KDM4C: variants seen among roughly 807,000 people sequenced by gnomAD.
KDM4C encodes the protein lysine-specific demethylase 4C.
KDM4C carries 81 observed loss-of-function variants against 129.3 expected under a neutral mutation model. That is an observed-to-expected ratio of 0.63 (90% CI 0.52 to 0.75). The LOEUF (loss-of-function observed/expected upper bound fraction) is 0.75. Among genes scored for constraint, KDM4C ranks in the 30% least tolerant of loss-of-function variants. The pLI is 0.00. For missense variants in KDM4C, 1,457 were observed against 1,304.0 expected (o/e 1.12, Z -1.81); for synonymous variants, 573 against 456.1 (o/e 1.26, Z -3.26).
At chr9:7,071,867 C>G (rs562160149) in intron 17 of KDM4C, among the ~76,000 whole-genome samples, 1 of 152,224 alleles carries the variant, frequency 6.6e-6, no homozygotes, top group East Asian at 1.9e-4. Flanking sequence ...ATCTGAAAGA[C>G]ACTGTTTGAG....
chr9:7,014,956 T>C (rs904502714), intron 14 of KDM4C, among the ~76,000 whole-genome samples: 1 of 129,330 alleles, frequency 7.7e-6, no homozygotes, highest in Non-Finnish European at 1.7e-5. Flanking sequence ...ACACACACCT[T>C]ACATTATTAT....
chr9:7,105,292 C>T, intron 18 of KDM4C: 1 of 358,974 alleles, frequency 2.8e-6, no homozygotes, highest in Non-Finnish European at 5.7e-6. Context: ...GGTGTTCACA[C>T]TTAGATTCTG....
intron 3 of KDM4C, among the ~76,000 whole-genome samples, chr9:6,814,005 C>T (rs141313098): frequency 0.014 from 2,084 of 152,176 alleles, 21 homozygotes; most frequent in South Asian, 0.05. Context: ...TTATTGTACA[C>T]ATCTCTCTGT....
intron 7 of KDM4C, among the ~76,000 whole-genome samples, chr9:6,888,266 T>G (rs1014617038): frequency 6.6e-6 from 1 of 152,216 alleles, no homozygotes; most frequent in African/African-American, 2.4e-5. Context: ...AGATTTCATG[T>G]TGCTATAGTT....
At chr9:6,828,364 G>T (rs946719765) in intron 4 of KDM4C, among the ~76,000 whole-genome samples, 4 of 151,924 alleles carry the variant, frequency 2.6e-5, no homozygotes, top group East Asian at 2.0e-4. Context: ...AGACAGGCTG[G>T]TCTCAATCTC....
intron 17 of KDM4C, among the ~76,000 whole-genome samples, chr9:7,060,823 G>A (rs934050659): frequency 2.0e-5 from 3 of 152,090 alleles, no homozygotes; most frequent in South Asian, 4.1e-4. Context: ...TGTAGCAGTT[G>A]CGTGGGCATG....
rs750164881 is a variant in KDM4C at position 7,118,837 on chromosome 9, G to A, written c.2611-9229G>A. Among the ~76,000 whole-genome samples, 8 of 152,012 alleles carry A rather than the reference G, an allele frequency of 5.3e-5. No individual in the cohort carries two copies. In the South Asian group the frequency reaches 8.3e-4, roughly 16 times the overall value. Reference sequence around the variant, plus strand: ...GGGATTTTCCCAAGGTGACATCTCCGCCCATGACTCATCCTGCTAGATGAT... The same window carrying A: ...GGGATTTTCCCAAGGTGACATCTCCACCCATGACTCATCCTGCTAGATGAT... On this transcript the variant is annotated intron_variant, in intron 18 of 21. Coordinates refer to ENST00000381309, the MANE Select transcript of KDM4C (RefSeq NM_015061.6).
chr9:6,854,303 C>T (rs141511193), intron 5 of KDM4C, among the ~76,000 whole-genome samples: 5 of 151,812 alleles, frequency 3.3e-5, no homozygotes, highest in African/African-American at 1.2e-4. Flanking sequence ...CCGAGGCGGG[C>T]GGATCACCTG....
intron 6 of KDM4C, 60 bp from the exon 7 acceptor site, chr9:6,887,900 C>G (rs912405095): frequency 1.0e-6 from 1 of 998,654 alleles, no homozygotes; most frequent in Non-Finnish European, 1.6e-6. Context: ...CATTAAAAAA[C>G]CTATTTGATA....
intron 1 of KDM4C, among the ~76,000 whole-genome samples, chr9:6,760,127 C>T (rs1036717602): frequency 4.6e-5 from 7 of 151,972 alleles, no homozygotes; most frequent in Non-Finnish European, 8.8e-5. Flanking sequence ...CCCCTTCTGT[C>T]CCTAGGCAAC....
chr9:6,839,278 AGAGT>A lies in KDM4C; in HGVS notation c.436-10227_436-10224del, dbSNP rs537561703. 6.0e-4 allele frequency among the ~76,000 whole-genome samples: 92 copies of A among 152,144 alleles called. No homozygotes were observed. The South Asian group carries it at 6.8e-3, about 11-fold the overall frequency. On this transcript the variant is annotated intron_variant, in intron 4 of 21. Transcript: ENST00000381309. ...AGGGTCTCACTCGGTTACCCAGGCT[AGAGT>A]GCAGTAGCGCCATCATTGCTCCCTG...
chr9:6,915,007 T>G (rs1372763879), intron 8 of KDM4C, among the ~76,000 whole-genome samples: 1 of 152,238 alleles, frequency 6.6e-6, no homozygotes, highest in Non-Finnish European at 1.5e-5. Flanking sequence ...TTTTAAGAAT[T>G]AAGTGTTGGA....
intron 1 of KDM4C, among the ~76,000 whole-genome samples, chr9:6,767,513 C>T (rs1014618303): frequency 3.3e-5 from 5 of 151,970 alleles, no homozygotes; most frequent in Admixed American, 1.3e-4. Context: ...CGGCTCACTG[C>T]AACCTCTGCC....
intron 17 of KDM4C, among the ~76,000 whole-genome samples, chr9:7,075,393 A>G (rs1833785349): frequency 6.6e-6 from 1 of 152,086 alleles, no homozygotes. Context: ...GGTGCGACCT[A>G]GTGGAGGTTT....
upstream of KDM4C, among the ~76,000 whole-genome samples, chr9:6,755,579 A>C (rs943553123): frequency 6.6e-6 from 1 of 152,212 alleles, no homozygotes; most frequent in Non-Finnish European, 1.5e-5. Context: ...AATAAAATAA[A>C]AACAAGTATT....
chr9:7,173,095 A>G (rs541197467), intron 21 of KDM4C, among the ~76,000 whole-genome samples: 1 of 152,378 alleles, frequency 6.6e-6, no homozygotes, highest in Non-Finnish European at 1.5e-5. Flanking sequence ...AATTGGGTAC[A>G]CAGTCCCTAA....
intron 1 of KDM4C, chr9:6,726,521 C>T (rs1588030649): frequency 1.3e-5 from 2 of 152,298 alleles, no homozygotes; most frequent in Admixed American, 1.3e-4. Context: ...TGCTTCAAGA[C>T]CACAGTGCTC....
intron 17 of KDM4C, among the ~76,000 whole-genome samples, chr9:7,050,955 C>G (rs181369981): frequency 3.1e-3 from 474 of 152,316 alleles, no homozygotes; most frequent in Non-Finnish European, 4.9e-3. Flanking sequence ...TATCACATTT[C>G]TCATGGAACA....
chr9:7,049,208 G>C lies in KDM4C; in HGVS notation c.2424+8G>C, dbSNP rs1554716733. The C allele has an allele frequency of 1.1e-5, 16 of 1,465,932 alleles. No individual in the cohort carries two copies. In the Admixed American group the frequency reaches 2.8e-4, roughly 26 times the overall value. 90.8% of individuals were successfully genotyped at this position (1,465,932 alleles called of 1,614,324 possible). A position where few individuals can be genotyped will look rare whatever the true frequency, so the allele number is the denominator to read the frequency against. On this transcript the variant is annotated splice_region_variant and intron_variant, in intron 17 of 21. Coordinates refer to ENST00000381309, the MANE Select transcript of KDM4C (RefSeq NM_015061.6). ...TTACAGAGGTTAAAATTGGTGAGTG[G>C]CAAAGCTTCTTTTTTACCTCATAAA...
Sources: gnomAD v4.1 joint callset for allele counts (sites outside exome capture counted in the v4.1 genomes callset) on GRCh38, gnomAD v4.1.1 for gene constraint, MANE v1.5 for transcripts, NCBI Gene and HGNC (gene_info 2026-07-23, HGNC 2026-07-21) for gene names.